PTPN1: variants seen among roughly 807,000 people sequenced by gnomAD.
The protein encoded by PTPN1 is protein tyrosine phosphatase non-receptor type 1.
A neutral mutation model predicts 59.9 loss-of-function variants in PTPN1; 12 were observed. The observed-to-expected ratio is 0.20, with a 90% CI of 0.13 to 0.32. The LOEUF is 0.32. Ranked by LOEUF, PTPN1 falls within the 10% of genes least tolerant of loss-of-function variation. PTPN1 has a pLI of 1.00. For missense variants in PTPN1, 356 were observed against 549.2 expected (o/e 0.65, Z 3.52); for synonymous variants, 178 against 203.6 (o/e 0.87, Z 1.07).
intron 1 of PTPN1, among the ~76,000 whole-genome samples, chr20:50,542,797 C>A (rs1161476191): frequency 1.3e-5 from 2 of 152,214 alleles, no homozygotes; most frequent in Non-Finnish European, 2.9e-5. Context: ...TTACTGCCTG[C>A]TTCCATTGTA....
At chr20:50,563,478 A>G (rs1330574696) in intron 2 of PTPN1, among the ~76,000 whole-genome samples, 1 of 152,192 alleles carries the variant, frequency 6.6e-6, no homozygotes, top group African/African-American at 2.4e-5. Flanking sequence ...GTTTGCCCAG[A>G]GTCACCCAGT....
chr20:50,542,867 A>G (rs991186950), intron 1 of PTPN1, among the ~76,000 whole-genome samples: 4 of 152,212 alleles, frequency 2.6e-5, no homozygotes, highest in African/African-American at 9.6e-5. Context: ...AAGATCTTGC[A>G]TCTGTTGCCC....
intron 1 of PTPN1, among the ~76,000 whole-genome samples, chr20:50,533,031 T>G (rs2082608220): frequency 6.6e-6 from 1 of 152,084 alleles, no homozygotes; most frequent in Non-Finnish European, 1.5e-5. Context: ...ATCACTTTTT[T>G]TTTTTTTCTG....
intron 1 of PTPN1, among the ~76,000 whole-genome samples, chr20:50,537,736 C>G (rs1436318560): frequency 6.6e-6 from 1 of 152,082 alleles, no homozygotes; most frequent in African/African-American, 2.4e-5. Flanking sequence ...ACTTTATAAG[C>G]CTGTTGATTG....
intron 4 of PTPN1, 91 bp from the exon 5 acceptor site, chr20:50,574,426 A>T: frequency 1.5e-6 from 2 of 1,315,862 alleles, no homozygotes; most frequent in Non-Finnish European, 2.1e-6. Context: ...CCTTTGAGTT[A>T]TCATGAAGCT....
chr20:50,557,966 C>T (rs908677011), intron 1 of PTPN1: 1 of 152,326 alleles, frequency 6.6e-6, no homozygotes, highest in Non-Finnish European at 1.5e-5. Flanking sequence ...TCCCGCGTAG[C>T]TGAGACTACA....
chr20:50,579,994 G>A (rs1002621997), intron 8 of PTPN1, 68 bp downstream of exon 8: 1 of 1,425,586 alleles, frequency 7.0e-7, no homozygotes. Context: ...AACACACGCT[G>A]GTACTGAAAC....
rs913710692 is a variant in PTPN1 at position 50,510,384 on chromosome 20, T to C, written c.-144T>C. ...GCGTAGTTCCGGCTGCCGGTTGACATGAAGAAGCAGCAGCGGCTAGGGCGG... is the reference window on the plus strand; with the variant it reads ...GCGTAGTTCCGGCTGCCGGTTGACACGAAGAAGCAGCAGCGGCTAGGGCGG... On this transcript the variant is annotated 5_prime_UTR_variant, in exon 1 of 10. An upstream start codon of the reference 5' UTR is lost. Transcript: ENST00000371621. 13 of 839,594 alleles carry C rather than the reference T, an allele frequency of 1.5e-5. No individual in the cohort carries two copies. Among genetic ancestry groups the C allele is most frequent in the Non-Finnish European group, 2.2e-5 (12 of 544,360 alleles). 52.0% of individuals were successfully genotyped at this position (839,594 alleles called of 1,614,324 possible). A position where few individuals can be genotyped will look rare whatever the true frequency, so the allele number is the denominator to read the frequency against.
chr20:50,540,335 G>A (rs1284489831), intron 1 of PTPN1, among the ~76,000 whole-genome samples: 3 of 152,200 alleles, frequency 2.0e-5, no homozygotes, highest in South Asian at 4.1e-4. Flanking sequence ...GATTACAGGC[G>A]TGAGCCACTG....
chr20:50,547,512 C>T (rs533358133), intron 1 of PTPN1, among the ~76,000 whole-genome samples: 4 of 152,024 alleles, frequency 2.6e-5, no homozygotes, highest in South Asian at 2.1e-4. Context: ...TATAGGTGTG[C>T]GCCACCACGC....
intron 1 of PTPN1, among the ~76,000 whole-genome samples, chr20:50,511,483 T>C (rs3787334): frequency 0.52 from 78,763 of 151,946 alleles, 21,115 homozygotes; most frequent in African/African-American, 0.67. Context: ...ATGATATTAT[T>C]CTTTCAGGCA....
At chr20:50,536,452 A>C (rs1358973404) in intron 1 of PTPN1, among the ~76,000 whole-genome samples, 2 of 152,228 alleles carry the variant, frequency 1.3e-5, no homozygotes, top group East Asian at 3.8e-4. Context: ...CTGGGAAAGA[A>C]AAATAAAAGA....
At chr20:50,549,782 TA>T (rs2082694383) in intron 1 of PTPN1, among the ~76,000 whole-genome samples, 1 of 152,228 alleles carries the variant, frequency 6.6e-6, no homozygotes, top group African/African-American at 2.4e-5. Context: ...CATTTCATAT[TA>T]AGTATATGAT....
chr20:50,533,022 T>C (rs1301736885), intron 1 of PTPN1, among the ~76,000 whole-genome samples: 1 of 151,686 alleles, frequency 6.6e-6, no homozygotes, highest in African/African-American at 2.4e-5. Context: ...TCCTCTAATA[T>C]CACTTTTTTT....
At chr20:50,558,079 C>T (rs2082733883) in intron 1 of PTPN1, 1 of 152,236 alleles carries the variant, frequency 6.6e-6, no homozygotes, top group African/African-American at 2.4e-5. Context: ...AAGTGAGCCT[C>T]CTGCCTCAGC....
At chr20:50,528,007 T>C (rs544411584) in intron 1 of PTPN1, among the ~76,000 whole-genome samples, 1 of 152,342 alleles carries the variant, frequency 6.6e-6, no homozygotes, top group African/African-American at 2.4e-5. Flanking sequence ...ACATACACTG[T>C]GCACTATGGG....
At position 50,582,759 on chromosome 20, in the gene PTPN1, C is replaced by T. The variant is rs1381420204; in HGVS notation, c.*44C>T. 6.2e-7 allele frequency: 1 copy of T among 1,610,718 alleles called. No homozygotes were observed. Among genetic ancestry groups the T allele is most frequent in the Non-Finnish European group, 8.5e-7 (1 of 1,178,216 alleles). Reference sequence around the variant, plus strand: ...CACCTCCACCCACTGTCCGCCTCTGCCCGCAGAGCCCACGCCCGACTAGCA... The same window carrying T: ...CACCTCCACCCACTGTCCGCCTCTGTCCGCAGAGCCCACGCCCGACTAGCA... On this transcript the variant is annotated 3_prime_UTR_variant, in exon 10 of 10. Transcript: ENST00000371621. The surrounding 1 kb of genome is among the most constrained non-coding windows in gnomAD (Gnocchi z 4.2).
intron 1 of PTPN1, among the ~76,000 whole-genome samples, chr20:50,537,968 A>T (rs2082631553): frequency 6.6e-6 from 1 of 152,166 alleles, no homozygotes; most frequent in Non-Finnish European, 1.5e-5. Flanking sequence ...GCAACAGAGG[A>T]GGCTTTGAGC....
intron 1 of PTPN1, among the ~76,000 whole-genome samples, chr20:50,537,671 AAGC>A (rs1211371332): frequency 6.6e-6 from 1 of 152,230 alleles, no homozygotes; most frequent in Non-Finnish European, 1.5e-5. Context: ...TGTTTTAAGA[AAGC>A]AGCTACCTGT....
Sources: gnomAD v4.1 joint callset for allele counts (sites outside exome capture counted in the v4.1 genomes callset) on GRCh38, gnomAD v4.1.1 for gene constraint, Gnocchi (gnomAD v3.1) non-coding constraint, MANE v1.5 for transcripts, NCBI Gene and HGNC (gene_info 2026-07-23, HGNC 2026-07-21) for gene names.